The following FANCA variants were observed in gnomAD, a reference collection of about 807,000 sequenced individuals.
The protein encoded by FANCA is Fanconi anemia group A protein.
In FANCA, 236 loss-of-function variants were observed where a neutral mutation model predicts 194.3. The ratio of observed to expected loss-of-function variants is 1.21; its 90% CI spans 1.09 to 1.35. FANCA has a LOEUF of 1.35. Ranked by LOEUF, FANCA falls within the 40% of genes most tolerant of loss-of-function variation. The pLI is 0.00. For missense variants in FANCA, 2,628 were observed against 1,813.9 expected, an observed-to-expected ratio of 1.45 and a Z score of -8.15; for synonymous variants, 1,014 against 715.8, an observed-to-expected ratio of 1.42 and a Z score of -6.65.
At chr16:89,798,837 C>G (rs965428517) in intron 10 of FANCA, 4 of 1,495,004 alleles carry the variant, frequency 2.7e-6, no homozygotes, top group Non-Finnish European at 3.5e-6. Flanking sequence ...GCCTGAATCA[C>G]ACCCAGGGAA....
At chr16:89,815,282 C>A (rs933977194) in intron 2 of FANCA, among the ~76,000 whole-genome samples, 2 of 150,440 alleles carry the variant, frequency 1.3e-5, no homozygotes, top group Admixed American at 1.3e-4. Context: ...AGTGATCTAC[C>A]CACTTCGGCC....
rs17226973 is a variant in FANCA at position 89,758,840 on chromosome 16, T to C, written c.2853-135A>G. The C allele has an allele frequency of 0.076, 101,857 of 1,344,728 alleles. 4,742 individuals are homozygous for C. The highest frequency in any genetic ancestry group is 0.17 in the East Asian group (6,817 of 41,068). 83.3% of individuals were successfully genotyped at this position (1,344,728 alleles called of 1,614,324 possible). ...GGGTTGAGACTGGCGGCTCGGGACCTTGGAGTAGGGATGAGACCTCACTGT... is the reference window on the plus strand; with the variant it reads ...GGGTTGAGACTGGCGGCTCGGGACCCTGGAGTAGGGATGAGACCTCACTGT... On this transcript the variant is annotated intron_variant, in intron 29 of 42. Transcript: ENST00000389301.
At chr16:89,765,441 T>A (rs1008336733) in intron 27 of FANCA, among the ~76,000 whole-genome samples, 1 of 152,270 alleles carries the variant, frequency 6.6e-6, no homozygotes, top group Non-Finnish European at 1.5e-5. Flanking sequence ...CGATCATGGC[T>A]GTGCACAGTG....
chr16:89,772,121 ACAC>A (rs1216500861), intron 22 of FANCA, among the ~76,000 whole-genome samples: 3 of 152,218 alleles, frequency 2.0e-5, no homozygotes, highest in African/African-American at 7.2e-5. Flanking sequence ...AGCCCTCCAG[ACAC>A]CACATCTGCC....
intron 38 of FANCA, chr16:89,740,362 G>A (rs930966233): frequency 1.3e-5 from 7 of 524,892 alleles, no homozygotes; most frequent in East Asian, 6.7e-5. Flanking sequence ...CCCACAGGCC[G>A]GATGCAGTGG....
At chr16:89,765,398 G>A (rs989222128) in intron 27 of FANCA, among the ~76,000 whole-genome samples, 2 of 152,116 alleles carry the variant, frequency 1.3e-5, no homozygotes, top group African/African-American at 4.8e-5. Context: ...GGGGACCTCA[G>A]TCCAGCCCCT....
At chr16:89,778,330 G>T in intron 20 of FANCA, 1 of 349,592 alleles carries the variant, frequency 2.9e-6, no homozygotes. Context: ...GCAGGGCGTG[G>T]TGGTGCATAC....
chr16:89,765,406 C>A (rs2039093141), intron 27 of FANCA, among the ~76,000 whole-genome samples: 1 of 152,046 alleles, frequency 6.6e-6, no homozygotes, highest in African/African-American at 2.4e-5. Context: ...CAGTCCAGCC[C>A]CTGGAAGGGT....
intron 28 of FANCA, among the ~76,000 whole-genome samples, chr16:89,764,347 C>T (rs1246809574): frequency 3.3e-5 from 5 of 152,274 alleles, no homozygotes; most frequent in Non-Finnish European, 7.4e-5. Flanking sequence ...CTGTGTCATC[C>T]TGGCTGGAAT....
intron 28 of FANCA, among the ~76,000 whole-genome samples, chr16:89,764,205 G>A (rs1178804766): frequency 6.6e-6 from 1 of 152,226 alleles, no homozygotes; most frequent in Non-Finnish European, 1.5e-5. Flanking sequence ...CTGCACCACT[G>A]AGCACAGCGA....
chr16:89,745,137 C>T (rs1308254713), intron 35 of FANCA, 66 bp from the exon 36 acceptor site: 2 of 1,453,044 alleles, frequency 1.4e-6, no homozygotes, highest in Admixed American at 2.0e-5. Context: ...CTGCCCCAGC[C>T]ATGACAAGCC....
chr16:89,744,927 C>T (rs370110043), intron 36 of FANCA, 32 bp downstream of exon 36: 34 of 1,588,720 alleles, frequency 2.1e-5, no homozygotes, highest in East Asian at 1.1e-4. Flanking sequence ...TGCATCTGGG[C>T]GGGCACACCC....
chr16:89,778,659 T>TAACC (rs1173812210), intron 20 of FANCA, 142 bp downstream of exon 20: 10 of 222,082 alleles, frequency 4.5e-5, no homozygotes, highest in African/African-American at 4.0e-4. Context: ...AAAAAAAAAG[T>TAACC]AACCAACCAA....
chr16:89,770,390 C>A, intron 24 of FANCA, 131 bp from the exon 25 acceptor site: 1 of 1,049,620 alleles, frequency 9.5e-7, no homozygotes. Flanking sequence ...TTCTGGAAGA[C>A]AACCCATCTT....
chr16:89,743,953 AATGG>A lies in FANCA; in HGVS notation c.3626+1002_3626+1005del, dbSNP rs757259321. Among the ~76,000 whole-genome samples the A allele has an allele frequency of 6.4e-4, 98 of 152,038 alleles. 1 individual carries two copies. Among genetic ancestry groups the A allele is most frequent in the South Asian group, 8.3e-4 (4 of 4,804 alleles). ...TCTCTCATTGCCCATGCTGGACTACAATGGCATGATCTCGGCTCACTGCAACCTC... is the reference window on the plus strand; with the variant it reads ...TCTCTCATTGCCCATGCTGGACTACACATGATCTCGGCTCACTGCAACCTC... On this transcript the variant is annotated intron_variant, in intron 36 of 42. Transcript: ENST00000389301.
intron 13 of FANCA, 31 bp downstream of exon 13, chr16:89,791,896 C>T (rs1396891325): frequency 6.2e-7 from 1 of 1,613,804 alleles, no homozygotes; most frequent in African/African-American, 1.3e-5. Context: ...ACACTCTTGA[C>T]CAGCACCACC....
At chr16:89,809,133 C>T (rs1050628456) in intron 5 of FANCA, among the ~76,000 whole-genome samples, 1 of 151,938 alleles carries the variant, frequency 6.6e-6, no homozygotes. Context: ...GGCTCGATCT[C>T]CTGACCTCAT....
chr16:89,797,802 G>C (rs1007771051), intron 10 of FANCA, among the ~76,000 whole-genome samples: 1 of 152,116 alleles, frequency 6.6e-6, no homozygotes, highest in Admixed American at 6.6e-5. Context: ...GGCTGAGGCA[G>C]AAGAATTGAT....
chr16:89,738,860 A>C, intron 42 of FANCA, 22 bp downstream of exon 42: 1 of 1,614,224 alleles, frequency 6.2e-7, no homozygotes, highest in Non-Finnish European at 8.5e-7. Flanking sequence ...CACATGGCCC[A>C]AGGTGGGCAT....
Sources: allele counts gnomAD v4.1 joint callset (sites outside exome capture counted in the v4.1 genomes callset), GRCh38; gene constraint gnomAD v4.1.1; transcripts MANE v1.5; gene names NCBI Gene and HGNC (gene_info 2026-07-23, HGNC 2026-07-21).